Variants in ZNF469 observed in about 807,000 individuals in gnomAD.
ZNF469 encodes zinc finger protein 469.
Under a neutral mutation model 1.0 loss-of-function variants are expected in ZNF469, and 1 was observed. The ratio of observed to expected loss-of-function variants is 1.00; its 90% CI spans 0.35 to 4.73. The LOEUF is 4.73. Ranked by LOEUF, ZNF469 falls within the 30% of genes most tolerant of loss-of-function variation. The pLI is 0.16. For synonymous variants in ZNF469, 2,703 were observed against 2,363.4 expected (o/e 1.14, Z -4.17); for missense variants, 6,100 against 5,356.3 (o/e 1.14, Z -4.33).
the ZNF469 span, among the ~76,000 whole-genome samples, chr16:88,369,840 C>G: frequency 6.6e-6 from 1 of 152,214 alleles, no homozygotes; most frequent in Non-Finnish European, 1.5e-5. Context: ...CTTCCGGGGA[C>G]AGTGACACAG....
chr16:88,134,724 G>A, the ZNF469 span, among the ~76,000 whole-genome samples: 4,733 of 152,280 alleles, frequency 0.031, 252 homozygotes, highest in African/African-American at 0.11. Context: ...AATCCCTGCC[G>A]TCTGGCAGGT....
intron 1 of ZNF469, among the ~76,000 whole-genome samples, chr16:88,396,042 C>A (rs1904648757): frequency 6.6e-6 from 1 of 152,244 alleles, no homozygotes; most frequent in East Asian, 1.9e-4. Flanking sequence ...GGACACGGGA[C>A]CATCTGTCGT....
rs1283668797 is a variant in ZNF469 at position 88,430,068 on chromosome 16, C to T, written c.2598C>T (p.Asp866=). Residue 866 remains aspartate, a synonymous_variant, in exon 3 of 3, where the codon GAC becomes GAT. Transcript: ENST00000565624. The part of the protein sequence containing the change: ...DNPEIDSSFI[D]VFADEEPSGP... ...CGGAGATCGACAGCAGCTTCATCGA[C>T]GTCTTCGCGGACGAGGAGCCTTCCG... The T allele has an allele frequency of 9.0e-6, 14 of 1,550,252 alleles. No homozygotes were observed. Among genetic ancestry groups the T allele is most frequent in the Middle Eastern group, 1.7e-4 (1 of 6,014 alleles).
At chr16:88,281,963 G>A in the ZNF469 span, among the ~76,000 whole-genome samples, 4 of 152,340 alleles carry the variant, frequency 2.6e-5, no homozygotes, top group African/African-American at 9.6e-5. Context: ...GAGATGTTGA[G>A]CACGAGTTCA....
In ZNF469 at chr16:88,435,472, A is replaced by G. The variant is rs185140766; in HGVS notation, c.8002A>G (p.Met2668Val). Residue 2668 changes from methionine (M) to valine (V), a missense_variant, in exon 3 of 3, where the codon ATG becomes GTG. Coordinates refer to ENST00000565624, the MANE Select transcript of ZNF469 (RefSeq NM_001367624.2). ...GCGCGGCTCCAGACCATCCCCTGCA[A>G]TGGCCAGTTACGCAGCCTCTCCGAG... ...DGRGSRPSPA[M>V]ASYAASPSHC... 1.9e-6 allele frequency: 3 copies of G among 1,549,382 alleles called. No homozygotes were observed. In the African/African-American group the frequency reaches 4.1e-5, roughly 21 times the overall value.
At chr16:88,205,958 G>A in the ZNF469 span, among the ~76,000 whole-genome samples, 1 of 152,226 alleles carries the variant, frequency 6.6e-6, no homozygotes, top group South Asian at 2.1e-4. The surrounding 1 kb of genome is among the most constrained non-coding windows in gnomAD (Gnocchi z 4.2). Context: ...TCAGAGGAAG[G>A]GGGGGGCCCA....
the ZNF469 span, among the ~76,000 whole-genome samples, chr16:88,241,786 G>A: frequency 5.9e-5 from 9 of 152,278 alleles, no homozygotes; most frequent in South Asian, 1.7e-3. The surrounding 1 kb of genome is among the most constrained non-coding windows in gnomAD (Gnocchi z 4.8). Flanking sequence ...GCTTGGGGCC[G>A]GTGGAACAAC....
At chr16:88,105,322 G>A in the ZNF469 span, among the ~76,000 whole-genome samples, 1 of 76,414 alleles carries the variant, frequency 1.3e-5, no homozygotes, top group African/African-American at 5.2e-5. Context: ...TTTTTTTTTT[G>A]AGACAGAGTT....
chr16:88,368,828 G>A, the ZNF469 span, among the ~76,000 whole-genome samples: 2 of 152,272 alleles, frequency 1.3e-5, no homozygotes, highest in South Asian at 4.1e-4. Context: ...CAGGCACAGT[G>A]GCTCATGCCT....
At chr16:88,227,004 C>T in the ZNF469 span, among the ~76,000 whole-genome samples, 2 of 147,984 alleles carry the variant, frequency 1.4e-5, no homozygotes, top group Non-Finnish European at 3.0e-5. Flanking sequence ...TCCACCCGTG[C>T]CTCCTCCGCG....
At position 88,422,681 on chromosome 16, in the gene ZNF469, CAGAT is replaced by C. The variant is rs201631052; in HGVS notation, c.-191-2125_-191-2122del. On this transcript the variant is annotated intron_variant, in intron 1 of 2. Coordinates refer to ENST00000565624, the MANE Select transcript of ZNF469 (RefSeq NM_001367624.2). ...GTGGATGGATGGGTGGGTAGATGGA[CAGAT>C]GGGTGGGTGGGTGATACATGAGTGG... Among the ~76,000 whole-genome samples the C allele has an allele frequency of 6.3e-3, 614 of 97,426 alleles. 6 individuals carry two copies. Among genetic ancestry groups the C allele is most frequent in the African/African-American group, 0.025 (591 of 23,990 alleles). The allele number at this position is 97,426 out of a possible 152,430, so 63.9% of individuals were successfully genotyped here. A position where few individuals can be genotyped will look rare whatever the true frequency, so the allele number is the denominator to read the frequency against.
chr16:88,141,640 C>T, the ZNF469 span, among the ~76,000 whole-genome samples: 2 of 152,198 alleles, frequency 1.3e-5, no homozygotes, highest in African/African-American at 2.4e-5. Context: ...TGGGACTGAG[C>T]GAGAGGCCTC....
the ZNF469 span, among the ~76,000 whole-genome samples, chr16:88,290,274 G>A: frequency 1.3e-5 from 2 of 152,248 alleles, no homozygotes; most frequent in African/African-American, 4.8e-5. Flanking sequence ...AATTTCCGGT[G>A]CCCTTGATCT....
intron 1 of ZNF469, among the ~76,000 whole-genome samples, chr16:88,416,407 G>A (rs1034568256): frequency 1.3e-5 from 2 of 152,178 alleles, no homozygotes; most frequent in African/African-American, 4.8e-5. Context: ...CCCCACGCTG[G>A]AAGACAGACG....
the ZNF469 span, among the ~76,000 whole-genome samples, chr16:88,342,407 C>T: frequency 8.5e-5 from 13 of 152,124 alleles, no homozygotes; most frequent in African/African-American, 2.4e-4. Context: ...CGCTCATGGC[C>T]GAACCTGGAT....
At chr16:88,108,001 C>T in the ZNF469 span, among the ~76,000 whole-genome samples, 25 of 152,362 alleles carry the variant, frequency 1.6e-4, no homozygotes, top group African/African-American at 5.0e-4. Flanking sequence ...CTCCTCCATG[C>T]GATCTGTATG....
the ZNF469 span, among the ~76,000 whole-genome samples, chr16:88,148,079 C>T: frequency 1.3e-5 from 2 of 152,022 alleles, no homozygotes; most frequent in African/African-American, 2.4e-5. Flanking sequence ...TGCAGTGGGG[C>T]GGCGACTGCA....
At chr16:88,114,596 C>A in the ZNF469 span, among the ~76,000 whole-genome samples, 2 of 152,192 alleles carry the variant, frequency 1.3e-5, no homozygotes, top group Non-Finnish European at 2.9e-5. Context: ...TAGACGGAGC[C>A]GTGGTTCTGG....
At chr16:88,359,646 G>A in the ZNF469 span, among the ~76,000 whole-genome samples, 1 of 152,166 alleles carries the variant, frequency 6.6e-6, no homozygotes, top group Non-Finnish European at 1.5e-5. Flanking sequence ...ATTGATTTTA[G>A]AAGTATTGAA....
Sources: gnomAD v4.1 joint callset for allele counts (sites outside exome capture counted in the v4.1 genomes callset) on GRCh38, gnomAD v4.1.1 for gene constraint, Gnocchi (gnomAD v3.1) non-coding constraint, MANE v1.5 for transcripts, NCBI Gene and HGNC (gene_info 2026-07-23, HGNC 2026-07-21) for gene names.